The following HYCC1 variants were observed in gnomAD, a reference collection of about 807,000 sequenced individuals.
The protein encoded by HYCC1 is hyccin.
the HYCC1 span, among the ~76,000 whole-genome samples, chr7:22,917,519 C>T: frequency 6.6e-6 from 1 of 152,152 alleles, no homozygotes; most frequent in Non-Finnish European, 1.5e-5. Flanking sequence ...ACTCACATGC[C>T]CCGAGTCAGG....
the HYCC1 span, among the ~76,000 whole-genome samples, chr7:22,955,859 C>T: frequency 7.3e-5 from 11 of 151,518 alleles, no homozygotes; most frequent in East Asian, 1.4e-3. Flanking sequence ...TCTTTGGAAA[C>T]GACATTTAAG....
At chr7:23,005,231 G>A in the HYCC1 span, among the ~76,000 whole-genome samples, 1 of 151,994 alleles carries the variant, frequency 6.6e-6, no homozygotes, top group Non-Finnish European at 1.5e-5. Context: ...TGACTCTGGA[G>A]TCCAAAAAAC....
At chr7:22,930,393 GA>G in the HYCC1 span, among the ~76,000 whole-genome samples, 2,840 of 100,970 alleles carry the variant, frequency 0.028, 91 homozygotes, top group African/African-American at 0.084. Context: ...AAAAGAAAAA[GA>G]AAAAAAAAAA....
At chr7:22,901,484 T>G in the HYCC1 span, among the ~76,000 whole-genome samples, 2 of 152,248 alleles carry the variant, frequency 1.3e-5, no homozygotes, top group African/African-American at 4.8e-5. Context: ...CTATATACTG[T>G]CTACAAGAAA....
chr7:22,952,637 ATT>A, the HYCC1 span, among the ~76,000 whole-genome samples: 2 of 151,986 alleles, frequency 1.3e-5, no homozygotes, highest in African/African-American at 2.4e-5. Flanking sequence ...TGAAAAAACT[ATT>A]TGCATATCTT....
At chr7:22,925,869 A>G in the HYCC1 span, among the ~76,000 whole-genome samples, 5 of 152,336 alleles carry the variant, frequency 3.3e-5, no homozygotes, top group South Asian at 1.0e-3. Context: ...CAACTCCAAG[A>G]CACATAATTG....
At chr7:22,947,150 C>T in the HYCC1 span, 1 of 1,550,386 alleles carries the variant, frequency 6.5e-7, no homozygotes, top group African/African-American at 1.4e-5. Context: ...TGCCTTTTTC[C>T]CCATTCCCGG....
At chr7:22,936,132 A>T in the HYCC1 span, 1 of 151,628 alleles carries the variant, frequency 6.6e-6, no homozygotes, top group South Asian at 2.1e-4. Flanking sequence ...CAGGAAGCTT[A>T]TTATTGCACA....
the HYCC1 span, among the ~76,000 whole-genome samples, chr7:22,971,870 G>T: frequency 6.6e-6 from 1 of 152,052 alleles, no homozygotes; most frequent in Admixed American, 6.6e-5. Flanking sequence ...CTCAAGTGAA[G>T]ATCACACACA....
chr7:22,905,179 T>G, the HYCC1 span, among the ~76,000 whole-genome samples: 1 of 152,038 alleles, frequency 6.6e-6, no homozygotes, highest in Non-Finnish European at 1.5e-5. Flanking sequence ...CAGGCCCACC[T>G]CCAACACTGG....
chr7:22,994,403 GCT>G, the HYCC1 span, among the ~76,000 whole-genome samples: 1 of 152,128 alleles, frequency 6.6e-6, no homozygotes, highest in Non-Finnish European at 1.5e-5. Flanking sequence ...TGGGATAGTG[GCT>G]GCTCTTGAGG....
chr7:23,006,518 C>G, the HYCC1 span, among the ~76,000 whole-genome samples: 1 of 152,166 alleles, frequency 6.6e-6, no homozygotes, highest in Non-Finnish European at 1.5e-5. Context: ...CCACCCACCT[C>G]GGCCTCCCAA....
At chr7:22,961,261 G>C in the HYCC1 span, 1 of 1,608,520 alleles carries the variant, frequency 6.2e-7, no homozygotes, top group Non-Finnish European at 8.5e-7. Context: ...TATAATTCTA[G>C]CTGGGCTCTG....
At chr7:22,958,245 T>C in the HYCC1 span, among the ~76,000 whole-genome samples, 1 of 151,980 alleles carries the variant, frequency 6.6e-6, no homozygotes, top group South Asian at 2.1e-4. Context: ...AAGCCAAGAC[T>C]ACCCTAAAAA....
At chr7:22,985,757 G>A in the HYCC1 span, 2 of 150,148 alleles carry the variant, frequency 1.3e-5, no homozygotes, top group African/African-American at 2.4e-5. Context: ...TATATAAAAG[G>A]GAATAACAGT....
chr7:22,898,979 T>C, the HYCC1 span, among the ~76,000 whole-genome samples: 200 of 152,314 alleles, frequency 1.3e-3, 4 homozygotes, highest in Non-Finnish European at 5.7e-4. Flanking sequence ...GTTTATGTGG[T>C]TGGTCCAAAA....
the HYCC1 span, among the ~76,000 whole-genome samples, chr7:22,959,078 A>C: frequency 6.6e-6 from 1 of 152,206 alleles, no homozygotes; most frequent in Non-Finnish European, 1.5e-5. Flanking sequence ...TCACTGAAGA[A>C]GCTGAAGTAT....
chr7:22,933,371 T>G, the HYCC1 span, among the ~76,000 whole-genome samples: 1 of 152,236 alleles, frequency 6.6e-6, no homozygotes, highest in South Asian at 2.1e-4. Context: ...TGTTCATAAT[T>G]GTTATATTTT....
chr7:22,993,541 A>G, the HYCC1 span, among the ~76,000 whole-genome samples: 1 of 152,320 alleles, frequency 6.6e-6, no homozygotes, highest in Admixed American at 6.5e-5. Flanking sequence ...GGAACTCATA[A>G]ATTATTAAGA....
Sources: allele counts gnomAD v4.1 joint callset (sites outside exome capture counted in the v4.1 genomes callset), GRCh38; gene constraint gnomAD v4.1.1; transcripts MANE v1.5; gene names NCBI Gene and HGNC (gene_info 2026-07-23, HGNC 2026-07-21).